The following EDC3 variants were observed in gnomAD, a reference collection of about 807,000 sequenced individuals.
EDC3 encodes the protein enhancer of mRNA-decapping protein 3.
EDC3 carries 20 observed loss-of-function variants against 41.8 expected under a neutral mutation model. The observed-to-expected ratio is 0.48, with a 90% CI of 0.34 to 0.70. EDC3 has a LOEUF of 0.70. EDC3 is among the 30% of genes least tolerant of loss of function. The pLI is 0.01. For synonymous variants in EDC3, 206 were observed against 243.2 expected, an observed-to-expected ratio of 0.85 and a Z score of 1.42; for missense variants, 444 against 636.8, an observed-to-expected ratio of 0.70 and a Z score of 3.26.
Position 74,675,130 on chromosome 15 carries a change from AC to A in EDC3, c.-7del, listed in dbSNP as rs755137103. The A allele has an allele frequency of 8.7e-6, 14 of 1,612,468 alleles. No individual in the cohort carries two copies. In the East Asian group the frequency reaches 3.1e-4, roughly 36 times the overall value. On this transcript the variant is annotated 5_prime_UTR_variant, in exon 2 of 7. It removes the in-frame stop codon of an upstream open reading frame in the 5' UTR. Coordinates refer to ENST00000315127, the MANE Select transcript of EDC3 (RefSeq NM_025083.5). ...CCCAGCCAATCTGTAGCCATGTTTCACACGTGAGACCACTGTGAAGAGAAGG... is the reference window on the plus strand; with the variant it reads ...CCCAGCCAATCTGTAGCCATGTTTCAACGTGAGACCACTGTGAAGAGAAGG...
intron 1 of EDC3, chr15:74,677,115 TGCGGTG>T (rs1380977406): frequency 2.0e-5 from 3 of 151,642 alleles, no homozygotes; most frequent in African/African-American, 7.3e-5. Context: ...CAGGCTGGAG[TGCGGTG>T]GCACAATCTC....
chr15:74,654,736 G>A (rs556709186), intron 4 of EDC3, among the ~76,000 whole-genome samples: 1 of 150,186 alleles, frequency 6.7e-6, no homozygotes, highest in East Asian at 1.9e-4. Context: ...GAAAGCACAT[G>A]CAAGCTACTA....
At position 74,632,462 on chromosome 15, in the gene EDC3, G is replaced by A. The variant is rs2062222377; in HGVS notation, c.*150C>T. On this transcript the variant is annotated 3_prime_UTR_variant, in exon 7 of 7. Transcript: ENST00000315127. The surrounding 1 kb of genome is among the most constrained non-coding windows in gnomAD (Gnocchi z 4.0). ...CTTCCCTGGCTAAGAGCAAGTGACAGGTCAGTTTTAAGTAAGTTCTGTTCT... is the reference window on the plus strand; with the variant it reads ...CTTCCCTGGCTAAGAGCAAGTGACAAGTCAGTTTTAAGTAAGTTCTGTTCT... 2.1e-6 allele frequency: 2 copies of A among 943,846 alleles called. No individual in the cohort carries two copies. Among genetic ancestry groups the A allele is most frequent in the East Asian group, 2.6e-5 (1 of 38,190 alleles). The allele number at this position is 943,846 out of a possible 1,614,324, so 58.5% of individuals were successfully genotyped here.
chr15:74,672,273 A>C (rs2062748545), intron 2 of EDC3, among the ~76,000 whole-genome samples: 1 of 132,032 alleles, frequency 7.6e-6, no homozygotes, highest in Non-Finnish European at 1.6e-5. Flanking sequence ...TGTCTCAAAA[A>C]AAAAAAAAAA....
intron 3 of EDC3, among the ~76,000 whole-genome samples, chr15:74,656,673 C>T (rs995418855): frequency 2.0e-5 from 3 of 152,158 alleles, no homozygotes; most frequent in Middle Eastern, 3.2e-3. Context: ...GGCGAAGCCC[C>T]ACCTTTGAAG....
chr15:74,647,216 G>A (rs1016354562), intron 4 of EDC3, among the ~76,000 whole-genome samples: 1 of 152,066 alleles, frequency 6.6e-6, no homozygotes, highest in African/African-American at 2.4e-5. Flanking sequence ...CAACATGTTG[G>A]TCAGGCTGGT....
At chr15:74,679,742 A>G (rs1203317835) in intron 1 of EDC3, 1 of 135,978 alleles carries the variant, frequency 7.4e-6, no homozygotes, top group Non-Finnish European at 1.5e-5. Flanking sequence ...CAACACAGTG[A>G]GACCTTATTT....
At chr15:74,677,783 A>T (rs529985429) in intron 1 of EDC3, among the ~76,000 whole-genome samples, 43 of 152,280 alleles carry the variant, frequency 2.8e-4, no homozygotes, top group African/African-American at 1.0e-3. Context: ...TCCACCATAA[A>T]TCTGCACGTG....
intron 3 of EDC3, among the ~76,000 whole-genome samples, chr15:74,667,855 A>G (rs1197367906): frequency 1.3e-5 from 2 of 152,332 alleles, no homozygotes; most frequent in African/African-American, 4.8e-5. Context: ...GAGAGGGGAC[A>G]TAACTTCTCA....
intron 3 of EDC3, among the ~76,000 whole-genome samples, chr15:74,659,916 G>A (rs780044808): frequency 2.6e-5 from 4 of 151,850 alleles, no homozygotes; most frequent in Admixed American, 6.6e-5. Flanking sequence ...ATGGTGGCGC[G>A]CACATGTAGT....
rs1344996543 is a variant in EDC3 at position 74,631,521 on chromosome 15, A to G, written c.*1091T>C. The G allele has an allele frequency of 6.6e-6, 1 of 152,216 alleles. No individual in the cohort carries two copies. Among genetic ancestry groups the G allele is most frequent in the Admixed American group, 6.5e-5 (1 of 15,280 alleles). The allele number at this position is 152,216 out of a possible 1,614,324, so 9.4% of individuals were successfully genotyped here. A position where few individuals can be genotyped will look rare whatever the true frequency, so the allele number is the denominator to read the frequency against. On this transcript the variant is annotated 3_prime_UTR_variant, in exon 7 of 7. Transcript: ENST00000315127. Reference sequence around the variant, plus strand: ...GAGACAGGGTGCTGGCCCCAAGCCTACTCATCTAGACTGGACAAATGTAAA... The same window carrying G: ...GAGACAGGGTGCTGGCCCCAAGCCTGCTCATCTAGACTGGACAAATGTAAA...
In EDC3 at chr15:74,649,036, G is replaced by A. The variant is rs531944761; in HGVS notation, c.820+6697C>T. Among the ~76,000 whole-genome samples, 15 of 151,200 alleles carry A rather than the reference G, an allele frequency of 9.9e-5. No individual in the cohort carries two copies. In the East Asian group the frequency reaches 2.9e-3, roughly 29 times the overall value. On this transcript the variant is annotated intron_variant, in intron 4 of 6. Transcript: ENST00000315127. ...GCCTCCCGAGTAGCTGGGACCACAGGCACATACCATCACACCCTGGCTAAT... is the reference window on the plus strand; with the variant it reads ...GCCTCCCGAGTAGCTGGGACCACAGACACATACCATCACACCCTGGCTAAT...
intron 1 of EDC3, among the ~76,000 whole-genome samples, chr15:74,683,015 T>A (rs1429868673): frequency 2.0e-5 from 3 of 151,888 alleles, no homozygotes; most frequent in Non-Finnish European, 1.5e-5. Flanking sequence ...AGAGCGAAAC[T>A]CTGTCTCAGA....
At chr15:74,641,989 G>C (rs1208868991) in intron 4 of EDC3, 1 of 152,200 alleles carries the variant, frequency 6.6e-6, no homozygotes, top group African/African-American at 2.4e-5. Flanking sequence ...CCAGAGCCTT[G>C]TCTAGAAAAA....
At chr15:74,667,341 C>G (rs189515227) in intron 3 of EDC3, among the ~76,000 whole-genome samples, 69 of 151,572 alleles carry the variant, frequency 4.6e-4, no homozygotes, top group Non-Finnish European at 5.6e-4. Flanking sequence ...TCTGTGAACT[C>G]TGCAGAGAAG....
At chr15:74,654,253 C>CA (rs61594463) in intron 4 of EDC3, among the ~76,000 whole-genome samples, 1,156 of 96,610 alleles carry the variant, frequency 0.012, 21 homozygotes, top group South Asian at 0.046. Flanking sequence ...GACTTCGTCT[C>CA]AAAAAAAAAA....
intron 3 of EDC3, among the ~76,000 whole-genome samples, chr15:74,663,309 A>AT (rs1332237526): frequency 1.3e-5 from 2 of 152,080 alleles, no homozygotes; most frequent in South Asian, 2.1e-4. Flanking sequence ...AAATAAATAA[A>AT]AAATAAAATG....
In EDC3 at chr15:74,635,453, G is replaced by A. The variant is rs570426001; in HGVS notation, c.1148C>T (p.Ser383Leu). ...KMLESITNEL[S>L]LFSKTQGQQV... ...TTGGCCTTGGGTCTTGCTGAAGAGC[G>A]ACAGCTCATTGGTGATAGATTCCAA... The change falls in exon 6 of 7, where the codon TCG (serine) becomes TTG (leucine). Residue 383 changes from serine (S) to leucine (L), a missense_variant. Coordinates refer to ENST00000315127, the MANE Select transcript of EDC3 (RefSeq NM_025083.5). 1.9e-6 allele frequency: 3 copies of A among 1,614,218 alleles called. No individual in the cohort carries two copies. The highest frequency in any genetic ancestry group is 1.7e-6 in the Non-Finnish European group (2 of 1,180,046).
At chr15:74,665,246 G>A (rs774426792) in intron 3 of EDC3, among the ~76,000 whole-genome samples, 5 of 152,066 alleles carry the variant, frequency 3.3e-5, no homozygotes, top group South Asian at 2.1e-4. Flanking sequence ...GTCTGGTCTC[G>A]AACTCCTGGC....
Sources: gnomAD v4.1 joint callset for allele counts (sites outside exome capture counted in the v4.1 genomes callset) on GRCh38, gnomAD v4.1.1 for gene constraint, Gnocchi (gnomAD v3.1) non-coding constraint, MANE v1.5 for transcripts, NCBI Gene and HGNC (gene_info 2026-07-23, HGNC 2026-07-21) for gene names.